UQCC6: variants seen among roughly 807,000 people sequenced by gnomAD.
The protein encoded by UQCC6 is protein BRAWNIN.
At chr12:103,963,168 G>C in the UQCC6 span, among the ~76,000 whole-genome samples, 1 of 151,582 alleles carries the variant, frequency 6.6e-6, no homozygotes. Flanking sequence ...CCACCTCCTG[G>C]GTTCAAGCGA....
chr12:103,960,529 T>C, the UQCC6 span, among the ~76,000 whole-genome samples: 1 of 152,214 alleles, frequency 6.6e-6, no homozygotes, highest in South Asian at 2.1e-4. Flanking sequence ...TTGGTTTTAA[T>C]ATACATCTCC....
chr12:103,960,118 C>T, the UQCC6 span, among the ~76,000 whole-genome samples: 1 of 151,956 alleles, frequency 6.6e-6, no homozygotes, highest in Non-Finnish European at 1.5e-5. Flanking sequence ...GAAACAGTCT[C>T]GCTCTGTCGC....
chr12:103,957,995 TA>T, the UQCC6 span, among the ~76,000 whole-genome samples: 855 of 140,716 alleles, frequency 6.1e-3, 5 homozygotes, highest in African/African-American at 0.012. Context: ...TTTATATATT[TA>T]TAATATATAT....
At chr12:103,956,435 G>A in the UQCC6 span, 1 of 547,512 alleles carries the variant, frequency 1.8e-6, no homozygotes, top group South Asian at 2.2e-5. Flanking sequence ...AGATGCAATG[G>A]GATGCCATCC....
the UQCC6 span, chr12:103,954,716 C>A: frequency 2.0e-6 from 1 of 492,238 alleles, no homozygotes; most frequent in Non-Finnish European, 3.6e-6. Context: ...AGGATATTCA[C>A]CAAACAAGAA....
chr12:103,956,406 A>T, the UQCC6 span: 4 of 486,606 alleles, frequency 8.2e-6, no homozygotes, highest in Non-Finnish European at 1.5e-5. Context: ...GTAAGACCTC[A>T]CAGGCCATGC....
the UQCC6 span, chr12:103,956,483 C>T: frequency 7.0e-5 from 43 of 610,860 alleles, no homozygotes; most frequent in Non-Finnish European, 1.0e-4. Context: ...ATCCTAATTT[C>T]GTTCAAGATC....
the UQCC6 span, among the ~76,000 whole-genome samples, chr12:103,963,527 G>A: frequency 6.6e-6 from 1 of 152,062 alleles, no homozygotes; most frequent in Non-Finnish European, 1.5e-5. Context: ...CTGGATTTTG[G>A]TTAGCATTAT....
At chr12:103,952,641 C>T in the UQCC6 span, among the ~76,000 whole-genome samples, 62,418 of 152,098 alleles carry the variant, frequency 0.41, 14,070 homozygotes, top group African/African-American at 0.59. Context: ...ATCAACAATG[C>T]GTGAGGCTTT....
the UQCC6 span, chr12:103,953,749 A>C: frequency 3.4e-6 from 2 of 581,736 alleles, no homozygotes; most frequent in Non-Finnish European, 6.2e-6. Context: ...GGCCCTTCTA[A>C]AGGCTGTGGC....
At chr12:103,962,840 T>A in the UQCC6 span, among the ~76,000 whole-genome samples, 1 of 152,224 alleles carries the variant, frequency 6.6e-6, no homozygotes, top group Non-Finnish European at 1.5e-5. Flanking sequence ...AATAAAACTG[T>A]TTTCAGCTCA....
chr12:103,958,459 T>C, the UQCC6 span, among the ~76,000 whole-genome samples: 1 of 152,272 alleles, frequency 6.6e-6, no homozygotes, highest in East Asian at 1.9e-4. Context: ...CCCTCCCTCC[T>C]CCATGGCCTC....
the UQCC6 span, chr12:103,965,609 C>T: frequency 1.1e-5 from 2 of 184,300 alleles, no homozygotes; most frequent in Non-Finnish European, 2.2e-5. Flanking sequence ...ATACACAGCA[C>T]CCCAAGGACA....
chr12:103,952,154 AG>A, the UQCC6 span, among the ~76,000 whole-genome samples: 1 of 152,152 alleles, frequency 6.6e-6, no homozygotes, highest in Non-Finnish European at 1.5e-5. Context: ...CACCCCAAAA[AG>A]AAACCCCATA....
chr12:103,959,841 G>A, the UQCC6 span, among the ~76,000 whole-genome samples: 1 of 103,618 alleles, frequency 9.7e-6, no homozygotes, highest in Non-Finnish European at 1.8e-5. Context: ...GTCTTGCTCT[G>A]TCACCAGGCT....
At chr12:103,962,543 G>A in the UQCC6 span, among the ~76,000 whole-genome samples, 1 of 152,156 alleles carries the variant, frequency 6.6e-6, no homozygotes, top group African/African-American at 2.4e-5. Context: ...GGAAGAGGTG[G>A]AAGCTCTTCT....
At chr12:103,951,590 G>A in the UQCC6 span, 37 of 1,547,628 alleles carry the variant, frequency 2.4e-5, no homozygotes, top group African/African-American at 6.9e-5. Flanking sequence ...CAAAAGCTCC[G>A]TTTTGAGTTC....
chr12:103,959,304 AAT>A, the UQCC6 span, among the ~76,000 whole-genome samples: 1 of 152,198 alleles, frequency 6.6e-6, no homozygotes. Context: ...TGACCAGTAA[AAT>A]ATATGAGAAA....
the UQCC6 span, chr12:103,950,785 T>G: frequency 6.6e-6 from 1 of 152,180 alleles, no homozygotes; most frequent in Non-Finnish European, 1.5e-5. Flanking sequence ...TAAAACTGAT[T>G]TTTCACCTTC....
Sources: allele counts gnomAD v4.1 joint callset (sites outside exome capture counted in the v4.1 genomes callset), GRCh38; gene constraint gnomAD v4.1.1; transcripts MANE v1.5; gene names NCBI Gene and HGNC (gene_info 2026-07-23, HGNC 2026-07-21).